The following PLCB1 variants were observed in gnomAD, a reference collection of about 807,000 sequenced individuals.
The protein encoded by PLCB1 is phospholipase C beta 1, also known as 1-phosphatidylinositol 4,5-bisphosphate phosphodiesterase beta-1.
PLCB1 carries 46 observed loss-of-function variants against 161.8 expected under a neutral mutation model. That is an observed-to-expected ratio of 0.28 (90% CI 0.22 to 0.36). PLCB1 has a LOEUF of 0.36. PLCB1 is among the 10% of genes least tolerant of loss of function. PLCB1 has a pLI of 1.00. For synonymous variants in PLCB1, 517 were observed against 503.7 expected (o/e 1.03, Z -0.35); for missense variants, 1,016 against 1,472.5 (o/e 0.69, Z 5.07).
intron 3 of PLCB1, among the ~76,000 whole-genome samples, chr20:8,505,010 C>T (rs1358774549): frequency 2.6e-5 from 4 of 152,110 alleles, no homozygotes; most frequent in African/African-American, 9.7e-5. Flanking sequence ...AGGACTACAT[C>T]ACCAAGCCGG....
chr20:8,271,616 A>G (rs1982286096), intron 2 of PLCB1, among the ~76,000 whole-genome samples: 1 of 152,124 alleles, frequency 6.6e-6, no homozygotes, highest in Non-Finnish European at 1.5e-5. Context: ...TAGCTGGGTC[A>G]TAAGAGAGCT....
At chr20:8,457,290 A>C (rs1981358563) in intron 3 of PLCB1, among the ~76,000 whole-genome samples, 1 of 152,052 alleles carries the variant, frequency 6.6e-6, no homozygotes, top group Non-Finnish European at 1.5e-5. Context: ...TCCCACCTCC[A>C]CCACTTACCA....
intron 31 of PLCB1, among the ~76,000 whole-genome samples, chr20:8,873,681 A>G (rs1242556063): frequency 6.6e-6 from 1 of 152,120 alleles, no homozygotes. Flanking sequence ...TTATCACAGT[A>G]TGTATACAAC....
intron 18 of PLCB1, among the ~76,000 whole-genome samples, chr20:8,732,849 ATATAT>A (rs1408137029): frequency 1.7e-4 from 11 of 63,754 alleles, no homozygotes; most frequent in African/African-American, 5.1e-4. Flanking sequence ...ATATATAATT[ATATAT>A]TATATATTAG....
Position 8,267,513 on chromosome 20 carries a change from C to T in PLCB1, c.178-103869C>T, listed in dbSNP as rs536635885. Among the ~76,000 whole-genome samples, 83 of 152,260 alleles carry T rather than the reference C, an allele frequency of 5.5e-4. 2 individuals are homozygous for T. In the South Asian group the frequency reaches 0.017, roughly 31 times the overall value. On this transcript the variant is annotated intron_variant, in intron 2 of 31. Transcript: ENST00000338037. The stretch of plus-strand genomic sequence containing the variant: ...CTCTGCCTCATTCACTTTCTGCTTC[C>T]CTCCTTCTCCTGTTCCTGAGAGTCA...
intron 3 of PLCB1, among the ~76,000 whole-genome samples, chr20:8,568,452 CT>C (rs1986409901): frequency 6.6e-6 from 1 of 152,124 alleles, no homozygotes; most frequent in Non-Finnish European, 1.5e-5. Flanking sequence ...TTTTCAAAAG[CT>C]CCATGAAGTA....
intron 3 of PLCB1, among the ~76,000 whole-genome samples, chr20:8,456,274 A>G (rs1486733812): frequency 6.6e-6 from 1 of 152,234 alleles, no homozygotes; most frequent in Non-Finnish European, 1.5e-5. Context: ...AAAGCTTGTT[A>G]CAGGAGAGAT....
intron 11 of PLCB1, among the ~76,000 whole-genome samples, chr20:8,707,007 TA>T (rs1355552720): frequency 6.6e-6 from 1 of 152,230 alleles, no homozygotes; most frequent in African/African-American, 2.4e-5. Flanking sequence ...CCAAAGCCTA[TA>T]CTCAAATAAA....
chr20:8,824,297 AG>A (rs904284012), intron 31 of PLCB1, among the ~76,000 whole-genome samples: 11 of 152,266 alleles, frequency 7.2e-5, no homozygotes, highest in African/African-American at 2.6e-4. Flanking sequence ...ATTGGGAAAA[AG>A]GGTGGATACA....
chr20:8,523,308 A>AGT (rs1336278005), intron 3 of PLCB1, among the ~76,000 whole-genome samples: 4 of 151,354 alleles, frequency 2.6e-5, no homozygotes, highest in African/African-American at 9.7e-5. Context: ...GTTGTGATTT[A>AGT]GTGAGGATTC....
chr20:8,640,449 C>T (rs116909576), intron 4 of PLCB1, among the ~76,000 whole-genome samples: 70 of 152,172 alleles, frequency 4.6e-4, no homozygotes, highest in Admixed American at 3.2e-3. Context: ...TTACAGACCC[C>T]GCTTACATTT....
chr20:8,283,218 A>C (rs1019284494), intron 2 of PLCB1, among the ~76,000 whole-genome samples: 3 of 152,208 alleles, frequency 2.0e-5, no homozygotes, highest in Non-Finnish European at 4.4e-5. Flanking sequence ...GTTTCATCTT[A>C]ATTCTAGTTA....
intron 31 of PLCB1, among the ~76,000 whole-genome samples, chr20:8,844,495 A>G (rs1166094892): frequency 6.6e-6 from 1 of 152,116 alleles, no homozygotes; most frequent in Admixed American, 6.5e-5. Context: ...AGCCAGGAGG[A>G]TCACTTTAGT....
At chr20:8,276,415 G>A (rs1464733042) in intron 2 of PLCB1, among the ~76,000 whole-genome samples, 1 of 152,148 alleles carries the variant, frequency 6.6e-6, no homozygotes, top group Non-Finnish European at 1.5e-5. Flanking sequence ...TGGGAAACCT[G>A]CCTCACAGTA....
At chr20:8,150,272 A>T (rs2051496384) in intron 1 of PLCB1, 22 bp from the exon 2 acceptor site, 2 of 1,096,376 alleles carry the variant, frequency 1.8e-6, no homozygotes, top group Non-Finnish European at 2.7e-6. Flanking sequence ...GTTGATATTC[A>T]TGTTTCTTCT....
At chr20:8,512,577 TAAA>T (rs1419115686) in intron 3 of PLCB1, among the ~76,000 whole-genome samples, 1 of 152,128 alleles carries the variant, frequency 6.6e-6, no homozygotes, top group Non-Finnish European at 1.5e-5. Context: ...TTTTAATTGA[TAAA>T]TAATAATTAT....
chr20:8,469,438 A>G (rs746476446), intron 3 of PLCB1, among the ~76,000 whole-genome samples: 2 of 152,146 alleles, frequency 1.3e-5, no homozygotes, highest in African/African-American at 2.4e-5. Flanking sequence ...TTGTCATTTC[A>G]TTATGTCAAG....
chr20:8,213,375 T>C (rs1436103600), intron 2 of PLCB1, among the ~76,000 whole-genome samples: 1 of 152,128 alleles, frequency 6.6e-6, no homozygotes, highest in Non-Finnish European at 1.5e-5. Context: ...GGAAGTGATC[T>C]TAGCTCCAAA....
At chr20:8,365,270 A>G (rs1361375700) in intron 2 of PLCB1, among the ~76,000 whole-genome samples, 1 of 152,158 alleles carries the variant, frequency 6.6e-6, no homozygotes, top group Non-Finnish European at 1.5e-5. Flanking sequence ...AAGAACTTAC[A>G]TTTTCTGCCT....
Sources: gnomAD v4.1 joint callset for allele counts (sites outside exome capture counted in the v4.1 genomes callset) on GRCh38, gnomAD v4.1.1 for gene constraint, MANE v1.5 for transcripts, NCBI Gene and HGNC (gene_info 2026-07-23, HGNC 2026-07-21) for gene names.